MGAT4C: variants seen among roughly 807,000 people sequenced by gnomAD.
MGAT4C encodes alpha-1,3-mannosyl-glycoprotein 4-beta-N-acetylglucosaminyltransferase C.
In MGAT4C, 19 loss-of-function variants were observed where a neutral mutation model predicts 40.1. That is an observed-to-expected ratio of 0.47 (90% CI 0.33 to 0.70). The LOEUF (loss-of-function observed/expected upper bound fraction) is 0.70. Ranked by LOEUF, MGAT4C falls within the 30% of genes least tolerant of loss-of-function variation. The pLI, the probability that MGAT4C is intolerant of heterozygous loss-of-function variation, is 0.02. For missense variants in MGAT4C, 491 were observed against 563.2 expected (o/e 0.87, Z 1.30); for synonymous variants, 181 against 187.1 (o/e 0.97, Z 0.27).
intron 1 of MGAT4C, among the ~76,000 whole-genome samples, chr12:86,794,832 C>T (rs1251226403): frequency 6.6e-6 from 1 of 151,648 alleles, no homozygotes; most frequent in Non-Finnish European, 1.5e-5. Flanking sequence ...AAATATGACT[C>T]AGATTTATAA....
intron 3 of MGAT4C, among the ~76,000 whole-genome samples, chr12:86,380,643 C>G (rs992842065): frequency 1.3e-5 from 2 of 152,096 alleles, no homozygotes; most frequent in African/African-American, 4.8e-5. Flanking sequence ...CTACTAAGCC[C>G]TTTGTGTGTA....
intron 2 of MGAT4C, among the ~76,000 whole-genome samples, chr12:86,607,664 T>A (rs1201510964): frequency 6.6e-6 from 1 of 152,140 alleles, no homozygotes; most frequent in Non-Finnish European, 1.5e-5. Flanking sequence ...AATAATACAT[T>A]TTAAAAAGGT....
intron 2 of MGAT4C, among the ~76,000 whole-genome samples, chr12:86,703,166 C>T (rs1055704281): frequency 4.6e-5 from 7 of 152,038 alleles, no homozygotes; most frequent in African/African-American, 1.4e-4. Context: ...TTGCTTCTTA[C>T]GGATGAACAA....
intron 3 of MGAT4C, among the ~76,000 whole-genome samples, chr12:86,375,546 G>A (rs1955808161): frequency 6.6e-6 from 1 of 151,904 alleles, no homozygotes; most frequent in African/African-American, 2.4e-5. Flanking sequence ...GGAAAAAGAG[G>A]AATTTGTATA....
At chr12:86,448,423 C>T (rs1284866844) in intron 2 of MGAT4C, among the ~76,000 whole-genome samples, 1 of 152,114 alleles carries the variant, frequency 6.6e-6, no homozygotes, top group Non-Finnish European at 1.5e-5. Context: ...AAGTGCAACT[C>T]CAACCTAAAC....
chr12:86,654,221 G>A (rs1207976020), intron 2 of MGAT4C, among the ~76,000 whole-genome samples: 1 of 152,000 alleles, frequency 6.6e-6, no homozygotes, highest in Admixed American at 6.6e-5. Context: ...TTGATTCTCC[G>A]TTTAATTTAC....
intron 2 of MGAT4C, among the ~76,000 whole-genome samples, chr12:86,535,140 G>C (rs1034243910): frequency 2.0e-5 from 3 of 152,022 alleles, no homozygotes; most frequent in African/African-American, 4.8e-5. Context: ...TAGTAATTAT[G>C]TTGCTTGAAA....
intron 1 of MGAT4C, among the ~76,000 whole-genome samples, chr12:86,837,190 T>C (rs1953054495): frequency 6.6e-6 from 1 of 152,098 alleles, no homozygotes. Flanking sequence ...GAGAGAAAGC[T>C]TGCCAAATGG....
chr12:86,211,960 G>A (rs1369750835), intron 1 of MGAT4C, among the ~76,000 whole-genome samples: 1 of 152,132 alleles, frequency 6.6e-6, no homozygotes, highest in Non-Finnish European at 1.5e-5. Context: ...GGACAGCTTA[G>A]GAGTTGATAT....
At chr12:86,820,167 CAAATAT>C (rs1407971305) in intron 1 of MGAT4C, among the ~76,000 whole-genome samples, 3 of 150,712 alleles carry the variant, frequency 2.0e-5, no homozygotes, top group Non-Finnish European at 3.0e-5. Context: ...TGTAATTCAA[CAAATAT>C]AAATATATGT....
At chr12:86,590,046 C>A (rs2136447135) in intron 2 of MGAT4C, among the ~76,000 whole-genome samples, 1 of 152,064 alleles carries the variant, frequency 6.6e-6, no homozygotes, top group Middle Eastern at 3.4e-3. Flanking sequence ...CTGATGGATG[C>A]ACCTCTCTCT....
rs1259190080 is a variant in MGAT4C at position 85,956,830 on chromosome 12, A to G, written c.*22459T>C. ...GGTGACTCTGAATCAACAGAATTTT[A>G]TTTTTCTTTTACCGTGGCCCAAGTA... On this transcript the variant is annotated 3_prime_UTR_variant, in exon 5 of 5. Coordinates refer to ENST00000611864, the MANE Select transcript of MGAT4C (RefSeq NM_001351288.2). The G allele has an allele frequency of 6.6e-6, 1 of 152,154 alleles. No homozygotes were observed. The highest frequency in any genetic ancestry group is 1.5e-5 in the Non-Finnish European group (1 of 68,010). The allele number at this position is 152,154 out of a possible 1,614,324, so 9.4% of individuals were successfully genotyped here.
intron 2 of MGAT4C, among the ~76,000 whole-genome samples, chr12:86,442,394 G>A (rs1211683253): frequency 1.3e-5 from 2 of 152,104 alleles, no homozygotes; most frequent in Admixed American, 6.6e-5. Flanking sequence ...ATCGCTTTTG[G>A]TGTTTTAGAC....
At chr12:86,709,668 C>G (rs1187559524) in intron 2 of MGAT4C, among the ~76,000 whole-genome samples, 4 of 152,072 alleles carry the variant, frequency 2.6e-5, no homozygotes, top group Non-Finnish European at 5.9e-5. Flanking sequence ...CCCACCTTGG[C>G]CTCTCAAAGT....
intron 3 of MGAT4C, among the ~76,000 whole-genome samples, chr12:86,349,353 T>C (rs1955108791): frequency 6.6e-6 from 1 of 152,132 alleles, no homozygotes; most frequent in Admixed American, 6.6e-5. Context: ...GCCAGATGGC[T>C]CACTATACAT....
intron 2 of MGAT4C, among the ~76,000 whole-genome samples, chr12:86,535,577 C>CT (rs1436159521): frequency 1.3e-5 from 2 of 152,130 alleles, no homozygotes; most frequent in East Asian, 1.9e-4. Flanking sequence ...AGCTAAGGTA[C>CT]TTTTTTATCA....
chr12:86,754,323 A>G (rs777986177), intron 1 of MGAT4C, among the ~76,000 whole-genome samples: 3 of 152,106 alleles, frequency 2.0e-5, no homozygotes, highest in Non-Finnish European at 2.9e-5. Context: ...AGTGGTTGCT[A>G]GCAAGCAGGA....
At position 86,185,077 on chromosome 12, in the gene MGAT4C, T is replaced by C. The variant is rs549964160; in HGVS notation, c.-57+71162A>G. On this transcript the variant is annotated intron_variant, in intron 1 of 4. Coordinates refer to ENST00000611864, the MANE Select transcript of MGAT4C (RefSeq NM_001351288.2). ...CTGCTCAGCTCATTGGAACACTCAT[T>C]CTAATTTATAGAATGTGGTGTTGCC... Among the ~76,000 whole-genome samples, 7 of 152,244 alleles carry C rather than the reference T, an allele frequency of 4.6e-5. No homozygotes were observed. The South Asian group carries it at 1.4e-3, about 32-fold the overall frequency.
intron 2 of MGAT4C, among the ~76,000 whole-genome samples, chr12:86,558,902 T>A (rs1302606204): frequency 1.3e-5 from 2 of 151,862 alleles, no homozygotes; most frequent in African/African-American, 4.8e-5. Context: ...ACAAATCCAA[T>A]TTTTCACTTA....
Sources: allele counts gnomAD v4.1 joint callset (sites outside exome capture counted in the v4.1 genomes callset), GRCh38; gene constraint gnomAD v4.1.1; transcripts MANE v1.5; gene names NCBI Gene and HGNC (gene_info 2026-07-23, HGNC 2026-07-21).